KLK1: variants seen among roughly 807,000 people sequenced by gnomAD.
The protein encoded by KLK1 is kallikrein-1.
KLK1 carries 22 observed loss-of-function variants against 23.3 expected under a neutral mutation model. The ratio of observed to expected loss-of-function variants is 0.95; its 90% CI spans 0.68 to 1.35. The LOEUF (loss-of-function observed/expected upper bound fraction) is 1.35. Among genes scored for constraint, KLK1 ranks in the 40% most tolerant of loss-of-function variants. The pLI, the probability that KLK1 is intolerant of heterozygous loss-of-function variation, is 0.00. For synonymous variants in KLK1, 140 were observed against 135.8 expected (o/e 1.03, Z -0.21); for missense variants, 301 against 338.9 (o/e 0.89, Z 0.88).
intron 1 of KLK1, chr19:50,822,447 AT>A: frequency 1.0e-6 from 1 of 985,590 alleles, no homozygotes; most frequent in South Asian, 4.7e-5. Flanking sequence ...GGGTCCCTAC[AT>A]TGGGGTTGGA....
intron 1 of KLK1, chr19:50,822,777 T>G (rs2089835828): frequency 1.0e-6 from 1 of 984,642 alleles, no homozygotes; most frequent in Non-Finnish European, 1.2e-6. Flanking sequence ...GAGGCAATCC[T>G]AGGAAGAGGA....
At chr19:50,822,438 G>A in intron 1 of KLK1, 1 of 985,728 alleles carries the variant, frequency 1.0e-6, no homozygotes. Flanking sequence ...GGTGACTTGG[G>A]GTCCCTACAT....
At position 50,821,979 on chromosome 19, in the gene KLK1, G is replaced by A. The variant is rs1302281328; in HGVS notation, c.47-108C>T. 1 of 1,473,098 alleles carries A rather than the reference G, an allele frequency of 6.8e-7. No homozygotes were observed. Among genetic ancestry groups the A allele is most frequent in the Non-Finnish European group, 9.0e-7 (1 of 1,112,888 alleles). 91.3% of individuals were successfully genotyped at this position (1,473,098 alleles called of 1,614,324 possible). ...GGTCTGAAGGGACATTGCGGGTAGA[G>A]GACCAGGGCTGGAGGTTGGGGACAT... is the stretch of plus-strand genomic sequence containing the variant. On this transcript the variant is annotated intron_variant, in intron 1 of 4. Coordinates refer to ENST00000301420, the MANE Select transcript of KLK1 (RefSeq NM_002257.4). The surrounding 1 kb of genome is among the most constrained non-coding windows in gnomAD (Gnocchi z 5.6).
At position 50,820,019 on chromosome 19, in the gene KLK1, A is replaced by G; in HGVS notation, c.513T>C (p.Asp171=). ...IEPENFSFPD[D]LQCVDLKILP... is the part of the protein sequence containing the mutation. ...GGATTTTGAGGTCCACACACTGGAG[A>G]TCATCTGGAAATGAGACTACGAACC... is the stretch of plus-strand genomic sequence containing the variant. The change falls in exon 4 of 5, where the codon GAT becomes GAC. Residue 171 remains aspartate (D), a synonymous_variant. Transcript: ENST00000301420. The G allele has an allele frequency of 1.9e-6, 3 of 1,614,064 alleles. No individual in the cohort carries two copies. The highest frequency in any genetic ancestry group is 2.5e-6 in the Non-Finnish European group (3 of 1,180,014).
chr19:50,819,433 G>T, intron 4 of KLK1, 84 bp from the exon 5 acceptor site: 2 of 1,337,284 alleles, frequency 1.5e-6, no homozygotes. Flanking sequence ...CGCAGACAGG[G>T]CCTCCAGTGC....
chr19:50,822,382 C>A (rs2089833736), intron 1 of KLK1: 6 of 986,852 alleles, frequency 6.1e-6, no homozygotes, highest in Non-Finnish European at 7.2e-6. Context: ...CTTTAGGGAA[C>A]CAGGTCTGAG....
At chr19:50,819,690 G>C (rs541390684) in intron 4 of KLK1, among the ~76,000 whole-genome samples, 1 of 152,016 alleles carries the variant, frequency 6.6e-6, no homozygotes, top group African/African-American at 2.4e-5. Context: ...ACATTACCAC[G>C]AGGAACGGTG....
chr19:50,821,308 G>A lies in KLK1; in HGVS notation c.206+404C>T, dbSNP rs1273680343. 6.6e-6 allele frequency among the ~76,000 whole-genome samples: 1 copy of A among 152,136 alleles called. No homozygotes were observed. The highest frequency in any genetic ancestry group is 1.5e-5 in the Non-Finnish European group (1 of 68,012). On this transcript the variant is annotated intron_variant, in intron 2 of 4. Coordinates refer to ENST00000301420, the MANE Select transcript of KLK1 (RefSeq NM_002257.4). This position sits in a 1 kb window ranked among gnomAD's most constrained non-coding sequence, Gnocchi z 5.6. The stretch of plus-strand genomic sequence containing the variant: ...GGGCCTCCCTTAGGTCCATCTGGGT[G>A]TGTGTTTAGTAGGGATGAGGGAGCG...
chr19:50,823,692 C>A lies in KLK1; in HGVS notation c.46+11G>T, dbSNP rs1276646488. 2 of 1,583,256 alleles carry A rather than the reference C, an allele frequency of 1.3e-6. No homozygotes were observed. The highest frequency in any genetic ancestry group is 1.7e-6 in the Non-Finnish European group (2 of 1,153,900). On this transcript the variant is annotated intron_variant, in intron 1 of 4. Transcript: ENST00000301420. ...GCCCGTTCCCCCTCCCACATCCCCC[C>A]ACTGTCTCACCAGTCCCCCCCAGGG...
Position 50,819,945 on chromosome 19 carries a change from A to T in KLK1, c.587T>A (p.Phe196Tyr), listed in dbSNP as rs781212588. The T allele has an allele frequency of 4.0e-5, 64 of 1,614,052 alleles. No homozygotes were observed. Among genetic ancestry groups the T allele is most frequent in the Middle Eastern group, 1.6e-4 (1 of 6,082 alleles). The change falls in exon 4 of 5, where the codon TTC (phenylalanine) becomes TAC (tyrosine). Residue 196 changes from phenylalanine (F) to tyrosine (Y), a missense_variant. Phe to Tyr is a conservative substitution (Grantham distance 22). Transcript: ENST00000301420. ...KKAHVQKVTD[F>Y]MLCVGHLEGG... is the part of the protein sequence containing the mutation. ...TTCCAGGTGTCCGACACACAGCATG[A>T]AGTCTGTCACCTTCTGGACGTGGGC...
In KLK1 at chr19:50,821,986, G is replaced by T; in HGVS notation, c.47-115C>A. On this transcript the variant is annotated intron_variant, in intron 1 of 4. Coordinates refer to ENST00000301420, the MANE Select transcript of KLK1 (RefSeq NM_002257.4). This position sits in a 1 kb window ranked among gnomAD's most constrained non-coding sequence, Gnocchi z 5.6. Reference sequence around the variant, plus strand: ...AGGGACATTGCGGGTAGAGGACCAGGGCTGGAGGTTGGGGACATGGGCAAG... The same window carrying T: ...AGGGACATTGCGGGTAGAGGACCAGTGCTGGAGGTTGGGGACATGGGCAAG... The T allele has an allele frequency of 2.1e-6, 3 of 1,461,474 alleles. No individual in the cohort carries two copies. The highest frequency in any genetic ancestry group is 2.7e-6 in the Non-Finnish European group (3 of 1,108,080). 90.5% of individuals were successfully genotyped at this position (1,461,474 alleles called of 1,614,324 possible). A position where few individuals can be genotyped will look rare whatever the true frequency, so the allele number is the denominator to read the frequency against.
At chr19:50,820,559 G>A in intron 2 of KLK1, 116 bp from the exon 3 acceptor site, 1 of 737,284 alleles carries the variant, frequency 1.4e-6, no homozygotes, top group Non-Finnish European at 2.3e-6. Context: ...AATGTGGGTG[G>A]GCGGAGACAG....
At position 50,821,944 on chromosome 19, in the gene KLK1, C is replaced by T; in HGVS notation, c.47-73G>A. 6.5e-7 allele frequency: 1 copy of T among 1,535,702 alleles called. No individual in the cohort carries two copies. Among genetic ancestry groups the T allele is most frequent in the Non-Finnish European group, 8.8e-7 (1 of 1,140,484 alleles). ...CCAGGGACAAGGCTAGGAGAGGGAG[C>T]TGGGCTGTGGGTCTGAAGGGACATT... On this transcript the variant is annotated intron_variant, in intron 1 of 4. Coordinates refer to ENST00000301420, the MANE Select transcript of KLK1 (RefSeq NM_002257.4). The surrounding 1 kb of genome is among the most constrained non-coding windows in gnomAD (Gnocchi z 5.6).
In KLK1 at chr19:50,819,980, C is replaced by G. The variant is rs1458724951; in HGVS notation, c.552G>C (p.Glu184Asp). ...CVDLKILPNDECKKAHVQKVT... is the reference protein window; with the variant it reads ...CVDLKILPNDDCKKAHVQKVT... ...CCTTCTGGACGTGGGCTTTTTTGCA[C>G]TCATCATTAGGCAGGATTTTGAGGT... Residue 184 changes from glutamate to aspartate, a missense_variant, in exon 4 of 5, where the codon GAG (glutamate) becomes GAC (aspartate). Glu to Asp is a conservative substitution (Grantham distance 45). Coordinates refer to ENST00000301420, the MANE Select transcript of KLK1 (RefSeq NM_002257.4). 3.7e-6 allele frequency: 6 copies of G among 1,614,026 alleles called. No individual in the cohort carries two copies. The highest frequency in any genetic ancestry group is 5.1e-6 in the Non-Finnish European group (6 of 1,180,016).
chr19:50,819,867 C>A, intron 4 of KLK1, 32 bp downstream of exon 4: 2 of 1,608,676 alleles, frequency 1.2e-6, no homozygotes, highest in Non-Finnish European at 8.5e-7. Flanking sequence ...CTCCCTCAGC[C>A]CTTCCAGACC....
chr19:50,820,494 GATGGGGCAGGGGAGCAT>G, intron 2 of KLK1, 51 bp from the exon 3 acceptor site: 3 of 563,956 alleles, frequency 5.3e-6, no homozygotes, highest in South Asian at 3.3e-5. Flanking sequence ...GGGAAAAGGG[GATGGGGCAGGGGAGCAT>G]GGGGGAGGGT....
In KLK1 at chr19:50,823,590, G is replaced by A. The variant is rs3212817; in HGVS notation, c.46+113C>T. 1,556 of 675,556 alleles carry A rather than the reference G, an allele frequency of 2.3e-3. 25 individuals carry two copies. The African/African-American group carries it at 0.026, about 11-fold the overall frequency. 41.8% of individuals were successfully genotyped at this position (675,556 alleles called of 1,614,324 possible). A position where few individuals can be genotyped will look rare whatever the true frequency, so the allele number is the denominator to read the frequency against. On this transcript the variant is annotated intron_variant, in intron 1 of 4. Transcript: ENST00000301420. Reference sequence around the variant, plus strand: ...GCACCCCGGACTAGGATAGACTGTGGGCCAGAGGGATGAGGGTGGGGTGTT... The same window carrying A: ...GCACCCCGGACTAGGATAGACTGTGAGCCAGAGGGATGAGGGTGGGGTGTT...
At chr19:50,820,110 A>C (rs773332249) in intron 3 of KLK1, 44 bp downstream of exon 3, 1 of 1,604,888 alleles carries the variant, frequency 6.2e-7, no homozygotes, top group Non-Finnish European at 8.5e-7. Context: ...TGGACGCAGG[A>C]GTCCCCATCC....
Position 50,821,707 on chromosome 19 carries a change from C to T in KLK1, c.206+5G>A. 1 of 1,602,646 alleles carries T rather than the reference C, an allele frequency of 6.2e-7. No individual in the cohort carries two copies. The highest frequency in any genetic ancestry group is 8.5e-7 in the Non-Finnish European group (1 of 1,173,612). ...CCTCCTCCCAGACCCCAGGCCCCTA[C>T]TCACTCGCTGATGCAATGAGCAGCT... is the stretch of plus-strand genomic sequence containing the variant. On this transcript the variant is annotated splice_donor_5th_base_variant and intron_variant, in intron 2 of 4. Transcript: ENST00000301420. This position sits in a 1 kb window ranked among gnomAD's most constrained non-coding sequence, Gnocchi z 5.6.
Sources: allele counts gnomAD v4.1 joint callset (sites outside exome capture counted in the v4.1 genomes callset), GRCh38; gene constraint gnomAD v4.1.1; non-coding constraint Gnocchi (gnomAD v3.1); transcripts MANE v1.5; gene names NCBI Gene and HGNC (gene_info 2026-07-23, HGNC 2026-07-21).